IL1RAPL2: variants seen among roughly 807,000 people sequenced by gnomAD.
The protein encoded by IL1RAPL2 is interleukin 1 receptor accessory protein like 2.
IL1RAPL2 carries 3 observed loss-of-function variants against 44.1 expected under a neutral mutation model. That is an observed-to-expected ratio of 0.07 (90% CI 0.03 to 0.18). IL1RAPL2 has a LOEUF of 0.18. IL1RAPL2 is among the 10% of genes least tolerant of loss of function. The pLI is 1.00. For synonymous variants in IL1RAPL2, 181 were observed against 178.8 expected (o/e 1.01, Z -0.10); for missense variants, 391 against 496.4 (o/e 0.79, Z 2.02).
intron 5 of IL1RAPL2, among the ~76,000 whole-genome samples, chrX:105,458,399 T>C (rs894705571): frequency 8.9e-6 from 1 of 111,906 alleles, no homozygotes; most frequent in African/African-American, 3.2e-5. Flanking sequence ...AATGGCATAT[T>C]ATTCAGTAAT....
rs180766956 is a variant in IL1RAPL2, at chrX:105,139,285, A to G, written c.83-56190A>G. On this transcript the variant is annotated intron_variant, in intron 2 of 10. Transcript: ENST00000372582. Reference sequence around the variant, plus strand: ...GTCACTGCTTGTTTGTTTTTTTGTTATTCAATCAAGCATATTACACAGAAT... The same window carrying G: ...GTCACTGCTTGTTTGTTTTTTTGTTGTTCAATCAAGCATATTACACAGAAT... 4.9e-3 allele frequency among the ~76,000 whole-genome samples: 544 copies of G among 111,718 alleles called. 3 individuals carry two copies. Among genetic ancestry groups the G allele is most frequent in the African/African-American group, 0.017 (522 of 30,730 alleles).
At chrX:105,012,957 T>C (rs1258551654) in intron 2 of IL1RAPL2, among the ~76,000 whole-genome samples, 1 of 110,633 alleles carries the variant, frequency 9.0e-6, no homozygotes, top group Admixed American at 9.7e-5. Context: ...TAGATGGCCG[T>C]TGAGCAGGGT....
chrX:104,580,832 T>C (rs1222831447), intron 1 of IL1RAPL2, among the ~76,000 whole-genome samples: 4 of 111,911 alleles, frequency 3.6e-5, no homozygotes, highest in Admixed American at 2.8e-4. Flanking sequence ...GAATGCCTCA[T>C]GTAGGAAAAC....
chrX:104,937,090 T>A (rs1925047127), intron 2 of IL1RAPL2, among the ~76,000 whole-genome samples: 1 of 112,215 alleles, frequency 8.9e-6, no homozygotes, highest in South Asian at 3.7e-4. Context: ...ACAAATACTT[T>A]TAAACATTTG....
intron 2 of IL1RAPL2, among the ~76,000 whole-genome samples, chrX:104,851,858 G>A (rs1922234342): frequency 9.0e-6 from 1 of 111,722 alleles, no homozygotes; most frequent in Non-Finnish European, 1.9e-5. Context: ...CCAAACAGGA[G>A]GAGGAACCTC....
intron 1 of IL1RAPL2, among the ~76,000 whole-genome samples, chrX:104,577,013 G>A (rs1928255436): frequency 8.9e-6 from 1 of 112,115 alleles, no homozygotes; most frequent in Non-Finnish European, 1.9e-5. Flanking sequence ...GCTCATCTCA[G>A]ACTACATTTT....
chrX:104,593,148 T>C (rs1470172537), intron 1 of IL1RAPL2, among the ~76,000 whole-genome samples: 2 of 111,648 alleles, frequency 1.8e-5, no homozygotes, highest in African/African-American at 6.5e-5. Flanking sequence ...GCTGCTAACA[T>C]TGGAAATTAT....
Position 105,195,533 on chromosome X carries a change from A to T in IL1RAPL2, c.141A>T (p.Glu47Asp). Reference sequence around the variant, plus strand: ...AGACATACATGGCTTTGGCAGGTGAACCAGTCCGAGTGAAATGTGCCCTTT... The same window carrying T: ...AGACATACATGGCTTTGGCAGGTGATCCAGTCCGAGTGAAATGTGCCCTTT... Reference protein sequence around the residue: ...DLKTYMALAGEPVRVKCALFY... With the variant: ...DLKTYMALAGDPVRVKCALFY... Residue 47 changes from glutamate (E) to aspartate (D), a missense_variant, in exon 3 of 11, where the codon GAA (glutamate) becomes GAT (aspartate). Physicochemically the swap from Glu to Asp is conservative, Grantham distance 45 (BLOSUM62 2). This residue lies in a region of IL1RAPL2 where 159 missense variants were observed against 251.7 expected (regional missense o/e 0.63). Transcript: ENST00000372582. The T allele has an allele frequency of 8.3e-7, 1 of 1,211,564 alleles. No individual in the cohort carries two copies. The highest frequency in any genetic ancestry group is 2.3e-4 in the Middle Eastern group (1 of 4,355).
intron 1 of IL1RAPL2, among the ~76,000 whole-genome samples, chrX:104,609,477 C>A (rs894185040): frequency 8.9e-6 from 1 of 112,231 alleles, no homozygotes; most frequent in Non-Finnish European, 1.9e-5. Context: ...TCATCACTTC[C>A]AGGTACACCA....
chrX:104,992,492 A>G (rs1285318179), intron 2 of IL1RAPL2, among the ~76,000 whole-genome samples: 1 of 111,366 alleles, frequency 9.0e-6, no homozygotes, highest in Admixed American at 9.6e-5. Flanking sequence ...GTGATTTCAG[A>G]CATAGCCATA....
rs140842224 is a variant in IL1RAPL2 at position 105,501,605 on chromosome X, C to T, written c.772+17218C>T. ...CATCACTGCAATCCAGCCTAGATGA[C>T]GAAGTGAGACCCTCTTTCAAACAAC... On this transcript the variant is annotated intron_variant, in intron 6 of 10. Coordinates refer to ENST00000372582, the MANE Select transcript of IL1RAPL2 (RefSeq NM_017416.2). 6.0e-3 allele frequency among the ~76,000 whole-genome samples: 669 copies of T among 110,808 alleles called. 4 individuals are homozygous for T. The highest frequency in any genetic ancestry group is 0.01 in the African/African-American group (317 of 30,466).
intron 6 of IL1RAPL2, among the ~76,000 whole-genome samples, chrX:105,491,881 A>G (rs772409154): frequency 8.9e-6 from 1 of 111,885 alleles, no homozygotes; most frequent in East Asian, 2.8e-4. Context: ...ATGAAATGGG[A>G]AAAAAGTTAA....
At chrX:104,855,027 A>G (rs1270474771) in intron 2 of IL1RAPL2, among the ~76,000 whole-genome samples, 1 of 112,270 alleles carries the variant, frequency 8.9e-6, no homozygotes, top group Non-Finnish European at 1.9e-5. Context: ...ACATCTTTCT[A>G]GAAGAGCCAA....
chrX:104,603,150 T>C (rs1928921933), intron 1 of IL1RAPL2, among the ~76,000 whole-genome samples: 1 of 111,616 alleles, frequency 9.0e-6, no homozygotes, highest in African/African-American at 3.3e-5. Context: ...CAATCTTTGC[T>C]GTTCTGCAGC....
chrX:104,607,340 A>G (rs917566081), intron 1 of IL1RAPL2, among the ~76,000 whole-genome samples: 1 of 112,198 alleles, frequency 8.9e-6, no homozygotes, highest in East Asian at 2.8e-4. Flanking sequence ...CAAAGACTTC[A>G]TGTCTAAAAC....
chrX:105,764,567 G>A (rs2038714246), intron 10 of IL1RAPL2, among the ~76,000 whole-genome samples: 2 of 111,930 alleles, frequency 1.8e-5, no homozygotes. Flanking sequence ...ATTTGAGGCT[G>A]AGGACAGAGG....
At chrX:104,891,933 G>T (rs939550017) in intron 2 of IL1RAPL2, among the ~76,000 whole-genome samples, 1 of 111,361 alleles carries the variant, frequency 9.0e-6, no homozygotes, top group Non-Finnish European at 1.9e-5. Context: ...CTGTGGGTTT[G>T]TCATAAATAG....
chrX:104,596,111 C>A (rs934072942), intron 1 of IL1RAPL2, among the ~76,000 whole-genome samples: 2 of 110,599 alleles, frequency 1.8e-5, no homozygotes, highest in African/African-American at 6.6e-5. Flanking sequence ...ATTTTAAAAA[C>A]AAATTTTATA....
At chrX:105,722,632 G>A (rs1289385819) in intron 7 of IL1RAPL2, among the ~76,000 whole-genome samples, 1 of 111,971 alleles carries the variant, frequency 8.9e-6, no homozygotes, top group Non-Finnish European at 1.9e-5. Flanking sequence ...TTAATTAGGG[G>A]ATTCCTCTCA....
Sources: gnomAD v4.1 joint callset for allele counts (sites outside exome capture counted in the v4.1 genomes callset) on GRCh38, gnomAD v4.1.1 for gene constraint, gnomAD v4.1.1 regional missense constraint, MANE v1.5 for transcripts, NCBI Gene and HGNC (gene_info 2026-07-23, HGNC 2026-07-21) for gene names.